Variants in GINS2 observed in about 807,000 individuals in gnomAD.
The protein encoded by GINS2 is DNA replication complex GINS protein PSF2.
In GINS2, 23 loss-of-function variants were observed where a neutral mutation model predicts 21.2. The observed-to-expected ratio is 1.08, with a 90% CI of 0.78 to 1.53. The LOEUF (loss-of-function observed/expected upper bound fraction) is 1.53. GINS2 is among the 40% of genes most tolerant of loss of function. The probability of loss-of-function intolerance (pLI) is 0.00; values close to 1 mark genes in which losing one functional copy is unlikely to be tolerated. For missense variants in GINS2, 323 were observed against 233.9 expected (o/e 1.38, Z -2.49); for synonymous variants, 118 against 85.6 (o/e 1.38, Z -2.09).
At chr16:85,687,376 C>T in intron 2 of GINS2, 84 bp downstream of exon 2, 4 of 694,550 alleles carry the variant, frequency 5.8e-6, no homozygotes, top group Non-Finnish European at 2.4e-6. Flanking sequence ...AGGAAGGAGG[C>T]CCCATGCCTC....
At chr16:85,679,079 A>G (rs1567790403) in intron 3 of GINS2, among the ~76,000 whole-genome samples, 1 of 152,180 alleles carries the variant, frequency 6.6e-6, no homozygotes, top group Non-Finnish European at 1.5e-5. Context: ...AGATCTCCCT[A>G]TTCCCCACCA....
chr16:85,686,143 A>G (rs1366168724), intron 2 of GINS2, among the ~76,000 whole-genome samples: 1 of 152,188 alleles, frequency 6.6e-6, no homozygotes, highest in African/African-American at 2.4e-5. Flanking sequence ...CATAATTAAT[A>G]TATCATACAA....
rs920506846 is a variant in GINS2 at position 85,676,286 on chromosome 16, G to A, written c.*1926C>T. The A allele has an allele frequency of 2.6e-5, 4 of 152,300 alleles. No homozygotes were observed. The highest frequency in any genetic ancestry group is 4.8e-5 in the African/African-American group (2 of 41,466). The allele number at this position is 152,300 out of a possible 1,614,324, so 9.4% of individuals were successfully genotyped here. On this transcript the variant is annotated 3_prime_UTR_variant, in exon 5 of 5. Coordinates refer to ENST00000253462, the MANE Select transcript of GINS2 (RefSeq NM_016095.3). The stretch of plus-strand genomic sequence containing the variant: ...ACTATACATCTCCGCAGACGGAGCT[G>A]CCTCCACTGGCTCAGGCTCTAAGAG...
chr16:85,688,954 C>CTG (rs1243025019), upstream of GINS2: 2,598 of 1,264,958 alleles, frequency 2.1e-3, 6 homozygotes, highest in Non-Finnish European at 2.7e-3. Context: ...CTCAGCGTCC[C>CTG]GGAGGAGACG....
chr16:85,682,139 G>A (rs933889394), intron 2 of GINS2, among the ~76,000 whole-genome samples: 1 of 137,050 alleles, frequency 7.3e-6, no homozygotes, highest in Non-Finnish European at 1.5e-5. Context: ...CAATCCTCCC[G>A]CCTCAGCCTC....
At chr16:85,688,454 G>T (rs970121036) in intron 1 of GINS2, among the ~76,000 whole-genome samples, 10 of 152,250 alleles carry the variant, frequency 6.6e-5, no homozygotes, top group Non-Finnish European at 1.5e-5. Flanking sequence ...GCTGAGGCAG[G>T]AGAATCGCTT....
chr16:85,683,021 G>C (rs1311790557), intron 2 of GINS2, among the ~76,000 whole-genome samples: 2 of 151,944 alleles, frequency 1.3e-5, no homozygotes, highest in African/African-American at 2.4e-5. Context: ...CAAACTCCCT[G>C]TGTAGCTCCT....
intron 2 of GINS2, among the ~76,000 whole-genome samples, chr16:85,682,494 C>T (rs112771044): frequency 7.2e-6 from 1 of 138,408 alleles, no homozygotes; most frequent in African/African-American, 2.8e-5. Context: ...ATCCTAGGGG[C>T]TAAGCCACCC....
Position 85,678,255 on chromosome 16 carries a change from G to C in GINS2, c.515C>G (p.Thr172Arg), listed in dbSNP as rs192318511. ...QALNHMYKLR[T>R]NLQPLESTQS... ...AGTACTCTCCAGAGGCTGGAGGTTC[G>C]TGCGGAGTTTGTACATGTGGTTGAG... Residue 172 changes from threonine (T) to arginine (R), a missense_variant, in exon 5 of 5, where the codon ACG (threonine) becomes AGG (arginine). Thr to Arg is a moderately conservative substitution (Grantham distance 71). Coordinates refer to ENST00000253462, the MANE Select transcript of GINS2 (RefSeq NM_016095.3). The C allele has an allele frequency of 6.2e-7, 1 of 1,613,214 alleles. No individual in the cohort carries two copies. Among genetic ancestry groups the C allele is most frequent in the Admixed American group, 1.7e-5 (1 of 59,992 alleles).
intron 2 of GINS2, among the ~76,000 whole-genome samples, chr16:85,684,888 A>AG (rs2053762035): frequency 6.6e-6 from 1 of 151,890 alleles, no homozygotes; most frequent in Admixed American, 6.6e-5. Flanking sequence ...CCTGGATTCA[A>AG]GCAATTCTCC....
chr16:85,681,793 A>G (rs1472022338), intron 2 of GINS2, 112 bp from the exon 3 acceptor site: 2 of 641,864 alleles, frequency 3.1e-6, no homozygotes. Flanking sequence ...TCAACTAGCA[A>G]ATACATGAAA....
intron 3 of GINS2, among the ~76,000 whole-genome samples, chr16:85,679,359 G>A (rs764664251): frequency 6.6e-6 from 1 of 152,214 alleles, no homozygotes; most frequent in Non-Finnish European, 1.5e-5. Context: ...CGAGGCTCCC[G>A]TTGTGAAGTA....
chr16:85,687,308 G>A, intron 2 of GINS2, 152 bp downstream of exon 2: 1 of 502,768 alleles, frequency 2.0e-6, no homozygotes, highest in Non-Finnish European at 3.6e-6. Flanking sequence ...GGTGAATCTG[G>A]AAGTATTCCT....
Position 85,678,056 on chromosome 16 carries a change from CA to C in GINS2, c.*155del. 1 of 679,102 alleles carries C rather than the reference CA, an allele frequency of 1.5e-6. No individual in the cohort carries two copies. Among genetic ancestry groups the C allele is most frequent in the Non-Finnish European group, 2.5e-6 (1 of 395,764 alleles). The allele number at this position is 679,102 out of a possible 1,614,324, so 42.1% of individuals were successfully genotyped here. On this transcript the variant is annotated 3_prime_UTR_variant, in exon 5 of 5. Transcript: ENST00000253462. Reference sequence around the variant, plus strand: ...GGAGCTAAGTTTTAAGGACTAATCACAAACTTGTTTCTCCAACAACATCCTG... The same window carrying C: ...GGAGCTAAGTTTTAAGGACTAATCACAACTTGTTTCTCCAACAACATCCTG...
chr16:85,680,779 CA>C (rs562366562), intron 3 of GINS2, among the ~76,000 whole-genome samples: 1 of 152,208 alleles, frequency 6.6e-6, no homozygotes. Context: ...ACAGTATATG[CA>C]AAGTCAGAAT....
In GINS2 at chr16:85,678,018, A is replaced by T. The variant is rs1032210283; in HGVS notation, c.*194T>A. On this transcript the variant is annotated 3_prime_UTR_variant, in exon 5 of 5. Coordinates refer to ENST00000253462, the MANE Select transcript of GINS2 (RefSeq NM_016095.3). ...GTTTCTAGAAACAGATGTGGAATTG[A>T]AGAATGTCCCAGGGAGCTAAGTTTT... The T allele has an allele frequency of 1.9e-6, 1 of 518,398 alleles. No individual in the cohort carries two copies. The highest frequency in any genetic ancestry group is 2.9e-5 in the South Asian group (1 of 34,652). The allele number at this position is 518,398 out of a possible 1,614,324, so 32.1% of individuals were successfully genotyped here.
chr16:85,676,630 C>T lies in GINS2; in HGVS notation c.*1582G>A, dbSNP rs1280076136. 3 of 152,258 alleles carry T rather than the reference C, an allele frequency of 2.0e-5. No individual in the cohort carries two copies. Among genetic ancestry groups the T allele is most frequent in the African/African-American group, 7.2e-5 (3 of 41,468 alleles). The allele number at this position is 152,258 out of a possible 1,614,324, so 9.4% of individuals were successfully genotyped here. A position where few individuals can be genotyped will look rare whatever the true frequency, so the allele number is the denominator to read the frequency against. On this transcript the variant is annotated 3_prime_UTR_variant, in exon 5 of 5. Coordinates refer to ENST00000253462, the MANE Select transcript of GINS2 (RefSeq NM_016095.3). ...TGATAAGTCTTTAGGCTCAGCCTGT[C>T]ACACATGCGCATTCTCAGAGCTCCC...
chr16:85,683,861 G>C (rs2053753771), intron 2 of GINS2, among the ~76,000 whole-genome samples: 1 of 152,208 alleles, frequency 6.6e-6, no homozygotes, highest in African/African-American at 2.4e-5. Flanking sequence ...GCCAGGACAT[G>C]GAACAATGGG....
chr16:85,685,685 A>AAAAAAAAAAACAAAAAAAAAC (rs56405044), intron 2 of GINS2, among the ~76,000 whole-genome samples: 5 of 120,898 alleles, frequency 4.1e-5, no homozygotes, highest in South Asian at 5.3e-4. Flanking sequence ...AAAAAAAAAA[A>AAAAAAAAAAACAAAAAAAAAC]AAAAAACCGT....
Sources: allele counts gnomAD v4.1 joint callset (sites outside exome capture counted in the v4.1 genomes callset), GRCh38; gene constraint gnomAD v4.1.1; transcripts MANE v1.5; gene names NCBI Gene and HGNC (gene_info 2026-07-23, HGNC 2026-07-21).